Variants in TMEM108 observed in about 807,000 individuals in gnomAD.
TMEM108 encodes the protein cancer/testis antigen 124.
TMEM108 carries 12 observed loss-of-function variants against 35.1 expected under a neutral mutation model. The ratio of observed to expected loss-of-function variants is 0.34; its 90% CI spans 0.22 to 0.55. The LOEUF is 0.55. TMEM108 is among the 20% of genes least tolerant of loss of function. The pLI is 0.89. For missense variants in TMEM108, 680 were observed against 753.3 expected (o/e 0.90, Z 1.14); for synonymous variants, 287 against 308.6 (o/e 0.93, Z 0.73).
intron 2 of TMEM108, among the ~76,000 whole-genome samples, chr3:133,136,599 G>A (rs905134427): frequency 6.6e-6 from 1 of 152,200 alleles, no homozygotes; most frequent in Admixed American, 6.5e-5. Flanking sequence ...CCACCAGGGT[G>A]TGAAGTAGTT....
chr3:133,060,233 C>G (rs1943520258), intron 2 of TMEM108, among the ~76,000 whole-genome samples: 2 of 152,076 alleles, frequency 1.3e-5, no homozygotes, highest in African/African-American at 4.8e-5. Context: ...TACAAAAGCC[C>G]ATGTTGGGGA....
At chr3:133,075,558 CT>C (rs1943728731) in intron 2 of TMEM108, among the ~76,000 whole-genome samples, 1 of 152,196 alleles carries the variant, frequency 6.6e-6, no homozygotes, top group Non-Finnish European at 1.5e-5. Context: ...CAGACCATCA[CT>C]AGTTTTCTGT....
intron 1 of TMEM108, among the ~76,000 whole-genome samples, chr3:133,042,415 T>C (rs1266780410): frequency 6.6e-6 from 1 of 152,244 alleles, no homozygotes; most frequent in East Asian, 1.9e-4. Context: ...TGCCATCTTA[T>C]TATGTGACTA....
chr3:133,384,573 TGAAATTGATTGGATTCAGGC>T (rs746659175), intron 4 of TMEM108, among the ~76,000 whole-genome samples: 66 of 152,312 alleles, frequency 4.3e-4, no homozygotes, highest in Non-Finnish European at 8.5e-4. Flanking sequence ...TGCTGAGAAC[TGAAATTGATTGGATTCAGGC>T]CATAATGGGC....
chr3:133,247,553 T>C (rs1348158327), intron 3 of TMEM108: 1 of 152,066 alleles, frequency 6.6e-6, no homozygotes, highest in Non-Finnish European at 1.5e-5. Context: ...AGATGCCACC[T>C]GTCTCAGAGG....
chr3:133,373,109 G>A (rs1191817164), intron 3 of TMEM108, among the ~76,000 whole-genome samples: 1 of 152,172 alleles, frequency 6.6e-6, no homozygotes, highest in Non-Finnish European at 1.5e-5. Context: ...GCTCACGCCT[G>A]TAATCCCAAA....
At chr3:133,251,233 T>C (rs1946465262) in intron 3 of TMEM108, among the ~76,000 whole-genome samples, 1 of 152,214 alleles carries the variant, frequency 6.6e-6, no homozygotes. Flanking sequence ...ATCCTGGGCA[T>C]ATCCCTTAAA....
At chr3:133,228,710 A>C (rs1352513368) in intron 2 of TMEM108, among the ~76,000 whole-genome samples, 1 of 152,124 alleles carries the variant, frequency 6.6e-6, no homozygotes, top group African/African-American at 2.4e-5. Flanking sequence ...ATCACCTCTT[A>C]TTTGTGGGAT....
chr3:133,158,495 G>GAA, intron 2 of TMEM108, among the ~76,000 whole-genome samples: 1 of 136,820 alleles, frequency 7.3e-6, no homozygotes, highest in South Asian at 2.4e-4. Flanking sequence ...AAAAAGAAAA[G>GAA]AAAGAAATTG....
intron 2 of TMEM108, among the ~76,000 whole-genome samples, chr3:133,073,510 C>CTCTCTCTCTCTCTATATATATATATATA: frequency 1.4e-4 from 6 of 43,916 alleles, no homozygotes; most frequent in African/African-American, 7.1e-4. Flanking sequence ...CTCTCTCTCT[C>CTCTCTCTCTCTCTATATATATATATATA]TATATATATA....
At position 133,176,730 on chromosome 3, in the gene TMEM108, C is replaced by T. The variant is rs186175351; in HGVS notation, c.-46-52536C>T. Among the ~76,000 whole-genome samples, 59 of 151,930 alleles carry T rather than the reference C, an allele frequency of 3.9e-4. No individual in the cohort carries two copies. In the East Asian group the frequency reaches 9.9e-3, roughly 25 times the overall value. On this transcript the variant is annotated intron_variant, in intron 2 of 5. Coordinates refer to ENST00000321871, the MANE Select transcript of TMEM108 (RefSeq NM_023943.4). ...AGAGAAAGCAGGAAAGATCTAAAAT[C>T]GACACCAACATCACAATTAAAAGAA...
intron 2 of TMEM108, among the ~76,000 whole-genome samples, chr3:133,176,214 A>T (rs970313777): frequency 2.0e-5 from 3 of 152,154 alleles, no homozygotes; most frequent in African/African-American, 7.2e-5. Flanking sequence ...CTCCCACACA[A>T]TAATAATGGG....
At chr3:133,122,289 TC>T (rs1944361977) in intron 2 of TMEM108, among the ~76,000 whole-genome samples, 1 of 152,200 alleles carries the variant, frequency 6.6e-6, no homozygotes, top group Non-Finnish European at 1.5e-5. Context: ...TAATGTGATT[TC>T]TAATTTTTAA....
At position 133,380,621 on chromosome 3, in the gene TMEM108, T is replaced by C. The variant is rs1321552973; in HGVS notation, c.910T>C (p.Ser304Pro). ...AGGGACACCAGATGCCACAGCAGCC[T>C]CAGGTGCCCCTGTCAGTCCACAAGC... ...QGGTPDATAA[S>P]GAPVSPQAAP... Residue 304 changes from serine to proline, a missense_variant, in exon 4 of 6, where the codon TCA becomes CCA. Physicochemically the swap from Ser to Pro is moderately conservative, Grantham distance 74 (BLOSUM62 -1). Coordinates refer to ENST00000321871, the MANE Select transcript of TMEM108 (RefSeq NM_023943.4). The surrounding 1 kb of genome is among the most constrained non-coding windows in gnomAD (Gnocchi z 5.3). 1 of 1,613,604 alleles carries C rather than the reference T, an allele frequency of 6.2e-7. No homozygotes were observed. Among genetic ancestry groups the C allele is most frequent in the Non-Finnish European group, 8.5e-7 (1 of 1,179,776 alleles).
intron 3 of TMEM108, among the ~76,000 whole-genome samples, chr3:133,282,127 A>G (rs976128838): frequency 6.6e-6 from 1 of 152,238 alleles, no homozygotes; most frequent in African/African-American, 2.4e-5. Flanking sequence ...ACTGTACTCC[A>G]GCCTGGGCGA....
At chr3:133,223,822 A>G (rs1559873551) in intron 2 of TMEM108, among the ~76,000 whole-genome samples, 1 of 152,244 alleles carries the variant, frequency 6.6e-6, no homozygotes, top group Non-Finnish European at 1.5e-5. Context: ...TCTAAAAGCT[A>G]TAAAACTTGA....
intron 2 of TMEM108, among the ~76,000 whole-genome samples, chr3:133,058,070 G>T (rs1324588956): frequency 6.8e-6 from 1 of 147,134 alleles, no homozygotes; most frequent in East Asian, 2.0e-4. Flanking sequence ...GAGCACGTTG[G>T]ATTTTTTTTT....
intron 2 of TMEM108, among the ~76,000 whole-genome samples, chr3:133,145,626 CTG>C (rs1387472574): frequency 5.4e-4 from 82 of 152,134 alleles, no homozygotes; most frequent in Non-Finnish European, 9.8e-4. Flanking sequence ...TTGTTTGTGT[CTG>C]CTCTTATTTC....
intron 3 of TMEM108, among the ~76,000 whole-genome samples, chr3:133,273,891 G>C (rs561599366): frequency 2.6e-5 from 4 of 152,278 alleles, no homozygotes; most frequent in Admixed American, 6.5e-5. Context: ...GTCAGACCAA[G>C]CAGTCTTATA....
Sources: allele counts gnomAD v4.1 joint callset (sites outside exome capture counted in the v4.1 genomes callset), GRCh38; gene constraint gnomAD v4.1.1; non-coding constraint Gnocchi (gnomAD v3.1); transcripts MANE v1.5; gene names NCBI Gene and HGNC (gene_info 2026-07-23, HGNC 2026-07-21).